Variants in FBLN2 observed in about 807,000 individuals in gnomAD.
The protein encoded by FBLN2 is fibulin 2, also known as fibulin-2.
In FBLN2, 81 loss-of-function variants were observed where a neutral mutation model predicts 123.7. The observed-to-expected ratio is 0.65, with a 90% CI of 0.55 to 0.79. FBLN2 has a LOEUF of 0.79. FBLN2 is among the 30% of genes least tolerant of loss of function. The probability of loss-of-function intolerance (pLI) is 0.00; values close to 1 mark genes in which losing one functional copy is unlikely to be tolerated. For missense variants in FBLN2, 1,603 were observed against 1,681.3 expected (o/e 0.95, Z 0.81); for synonymous variants, 699 against 701.4 (o/e 1.00, Z 0.05).
intron 1 of FBLN2, among the ~76,000 whole-genome samples, chr3:13,550,909 A>C (rs959846453): frequency 6.6e-6 from 1 of 152,210 alleles, no homozygotes; most frequent in African/African-American, 2.4e-5. Context: ...TAAAAAATTA[A>C]TTAGCTGCCT....
At position 13,571,204 on chromosome 3, in the gene FBLN2, G is replaced by T. The variant is rs867524109; in HGVS notation, c.849G>T (p.Glu283Asp). The change falls in exon 2 of 18, where the codon GAG becomes GAT. Residue 283 changes from glutamate to aspartate, a missense_variant. By Grantham distance (45) the Glu-to-Asp change is conservative. Coordinates refer to ENST00000404922, the MANE Select transcript of FBLN2 (RefSeq NM_001004019.2). ...AGGACAGTGAGGAGGAAGAAGAGGA[G>T]GAGGAGGAGAGAGAGGAAATGGCTG... is the stretch of plus-strand genomic sequence containing the variant. ...VTEDSEEEEE[E>D]EEEREEMAVT... 6.4e-7 allele frequency: 1 copy of T among 1,570,588 alleles called. No individual in the cohort carries two copies. The highest frequency in any genetic ancestry group is 1.4e-5 in the African/African-American group (1 of 73,948).
At chr3:13,626,853 G>A (rs1334931762) in intron 10 of FBLN2, among the ~76,000 whole-genome samples, 1 of 152,176 alleles carries the variant, frequency 6.6e-6, no homozygotes, top group Non-Finnish European at 1.5e-5. Flanking sequence ...TGGTGTCTGG[G>A]TGCCAGTTAT....
chr3:13,595,660 C>A (rs1422364511), intron 2 of FBLN2, among the ~76,000 whole-genome samples: 1 of 152,198 alleles, frequency 6.6e-6, no homozygotes, highest in Non-Finnish European at 1.5e-5. Flanking sequence ...CCTGTCACCA[C>A]CCTCCTGCCA....
chr3:13,636,702 G>A, intron 17 of FBLN2, 134 bp downstream of exon 17: 1 of 1,090,992 alleles, frequency 9.2e-7, no homozygotes, highest in Non-Finnish European at 1.3e-6. Context: ...GGGTCTGTGG[G>A]CTAGGTGACC....
chr3:13,616,096 T>C (rs1423016516), intron 5 of FBLN2, among the ~76,000 whole-genome samples: 1 of 152,136 alleles, frequency 6.6e-6, no homozygotes, highest in Non-Finnish European at 1.5e-5. Flanking sequence ...AGGCCAGACC[T>C]GGGCAGATCA....
intron 1 of FBLN2, among the ~76,000 whole-genome samples, 193 bp downstream of exon 1, chr3:13,549,401 C>A (rs1376622852): frequency 6.6e-6 from 1 of 151,418 alleles, no homozygotes; most frequent in Admixed American, 6.6e-5. Flanking sequence ...GGGGACGGCC[C>A]GCGAGCGCCG....
chr3:13,558,593 C>A (rs1330320927), intron 1 of FBLN2, among the ~76,000 whole-genome samples: 1 of 152,068 alleles, frequency 6.6e-6, no homozygotes, highest in South Asian at 2.1e-4. Flanking sequence ...CTCTGCCAGC[C>A]CTGTGCTCGG....
chr3:13,614,690 C>A (rs963476355), intron 5 of FBLN2, among the ~76,000 whole-genome samples: 37 of 149,562 alleles, frequency 2.5e-4, no homozygotes, highest in Admixed American at 2.0e-4. Context: ...ACCCATCCAC[C>A]CATTCACTCA....
chr3:13,632,818 G>A (rs1468258662), intron 16 of FBLN2, among the ~76,000 whole-genome samples: 7 of 152,022 alleles, frequency 4.6e-5, no homozygotes. Context: ...GGTCTTGCTG[G>A]CTGCAAAGCC....
At chr3:13,621,455 G>A (rs566444941) in intron 8 of FBLN2, among the ~76,000 whole-genome samples, 84 of 152,274 alleles carry the variant, frequency 5.5e-4, no homozygotes, top group Non-Finnish European at 9.4e-4. Flanking sequence ...GCTCTCGGGG[G>A]CATGGTTCTC....
intron 2 of FBLN2, among the ~76,000 whole-genome samples, chr3:13,594,214 C>G (rs1704769718): frequency 6.6e-6 from 1 of 152,264 alleles, no homozygotes; most frequent in African/African-American, 2.4e-5. Flanking sequence ...ACCCACCCTC[C>G]TTGACGTTTG....
At chr3:13,615,740 G>A (rs1705576666) in intron 5 of FBLN2, among the ~76,000 whole-genome samples, 1 of 152,202 alleles carries the variant, frequency 6.6e-6, no homozygotes, top group Non-Finnish European at 1.5e-5. Context: ...ATGAGGCCCA[G>A]AGAAGGGCAG....
intron 2 of FBLN2, among the ~76,000 whole-genome samples, chr3:13,607,830 C>G (rs906634707): frequency 6.6e-6 from 1 of 152,054 alleles, no homozygotes; most frequent in African/African-American, 2.4e-5. Flanking sequence ...GAGCTCTGGC[C>G]CCATGTTAAC....
rs746313716 is a variant in FBLN2 at position 13,570,536 on chromosome 3, C to G, written c.181C>G (p.Gln61Glu). 1.3e-6 allele frequency: 2 copies of G among 1,593,062 alleles called. No individual in the cohort carries two copies. The highest frequency in any genetic ancestry group is 3.5e-5 in the Admixed American group (2 of 57,316). ...PGACCATCVQQGCACEGYQYY... is the reference protein window; with the variant it reads ...PGACCATCVQEGCACEGYQYY... ...TGCCTGCTGTGCCACGTGTGTGCAG[C>G]AGGGCTGCGCCTGCGAGGGCTACCA... Residue 61 changes from glutamine (Q) to glutamate (E), a missense_variant, in exon 2 of 18, where the codon CAG becomes GAG. Physicochemically the swap from Gln to Glu is conservative, Grantham distance 29 (BLOSUM62 2). Transcript: ENST00000404922.
chr3:13,584,841 A>G (rs560189193), intron 2 of FBLN2, among the ~76,000 whole-genome samples: 1 of 152,226 alleles, frequency 6.6e-6, no homozygotes, highest in Non-Finnish European at 1.5e-5. Flanking sequence ...TGCTCCTCAC[A>G]TGCTCACACG....
In FBLN2 at chr3:13,618,099, C is replaced by T. The variant is rs1236340330; in HGVS notation, c.1753C>T (p.Arg585Ter). Residue 585 changes from arginine to a stop codon, truncating the protein, a stop_gained, in exon 6 of 18, where the codon CGA becomes TGA. Transcript: ENST00000404922. LOFTEE classifies it high-confidence loss of function. ...RRVSEAEMAG[R>*]EALSLGTEAE... The stretch of plus-strand genomic sequence containing the variant: ...AGTTTCAGAGGCAGAGATGGCGGGC[C>T]GAGAGGCCCTGTCACTGGGCACAGA... 3.1e-6 allele frequency: 5 copies of T among 1,613,300 alleles called. No homozygotes were observed. The highest frequency in any genetic ancestry group is 1.1e-5 in the South Asian group (1 of 91,078).
chr3:13,608,314 C>T, intron 3 of FBLN2, 141 bp downstream of exon 3: 1 of 646,084 alleles, frequency 1.5e-6, no homozygotes, highest in Non-Finnish European at 2.7e-6. Flanking sequence ...TTGGGTGTGG[C>T]TGCCGTGCGC....
rs56688853 is a variant in FBLN2 at position 13,614,973 on chromosome 3, TATCCATCCATCCATCCATCCATCC to T, written c.1729+836_1729+859del. On this transcript the variant is annotated intron_variant, in intron 5 of 17. Coordinates refer to ENST00000404922, the MANE Select transcript of FBLN2 (RefSeq NM_001004019.2). ...CCATCCGTCTGTTCATCCATCTGCT[TATCCATCCATCCATCCATCCATCC>T]ATCCATCCATCCATCCATCCATCCA... Among the ~76,000 whole-genome samples the T allele has an allele frequency of 4.8e-4, 69 of 143,332 alleles. 1 individual carries two copies. Among genetic ancestry groups the T allele is most frequent in the South Asian group, 2.3e-4 (1 of 4,292 alleles). 94.0% of individuals were successfully genotyped at this position (143,332 alleles called of 152,430 possible).
chr3:13,596,240 G>A (rs1322485055), intron 2 of FBLN2, among the ~76,000 whole-genome samples: 1 of 152,078 alleles, frequency 6.6e-6, no homozygotes, highest in Non-Finnish European at 1.5e-5. Context: ...TGGGCTCAAG[G>A]CATCCTCCTG....
Sources: gnomAD v4.1 joint callset for allele counts (sites outside exome capture counted in the v4.1 genomes callset) on GRCh38, gnomAD v4.1.1 for gene constraint, MANE v1.5 for transcripts, NCBI Gene and HGNC (gene_info 2026-07-23, HGNC 2026-07-21) for gene names.